PPM1H: variants seen among roughly 807,000 people sequenced by gnomAD.
PPM1H encodes the protein protein phosphatase, Mg2+/Mn2+ dependent 1H, also known as protein phosphatase 1H.
In PPM1H, 27 loss-of-function variants were observed where a neutral mutation model predicts 54.9. The ratio of observed to expected loss-of-function variants is 0.49; its 90% CI spans 0.36 to 0.68. The LOEUF (loss-of-function observed/expected upper bound fraction) is 0.68, where lower values mean the gene tolerates loss of function less well. PPM1H is among the 30% of genes least tolerant of loss of function. The pLI is 0.00. For missense variants in PPM1H, 596 were observed against 667.8 expected (o/e 0.89, Z 1.19); for synonymous variants, 305 against 270.8 (o/e 1.13, Z -1.24).
chr12:62,785,218 C>T (rs2076663722), intron 4 of PPM1H, among the ~76,000 whole-genome samples: 1 of 152,090 alleles, frequency 6.6e-6, no homozygotes, highest in South Asian at 2.1e-4. Flanking sequence ...GCTGTGTTGC[C>T]CAGGCTGGAG....
chr12:62,754,663 A>C (rs2076460309), intron 4 of PPM1H, among the ~76,000 whole-genome samples: 1 of 152,180 alleles, frequency 6.6e-6, no homozygotes, highest in Non-Finnish European at 1.5e-5. Context: ...TCCTTAAGAG[A>C]GTAAGTCACC....
At chr12:62,792,518 A>G (rs545007009) in intron 3 of PPM1H, among the ~76,000 whole-genome samples, 65 of 152,220 alleles carry the variant, frequency 4.3e-4, no homozygotes, top group Non-Finnish European at 7.5e-4. Flanking sequence ...GTGTGGGAAC[A>G]TAAGTGTGCA....
chr12:62,900,210 T>C (rs1257801009), intron 1 of PPM1H, among the ~76,000 whole-genome samples: 1 of 152,218 alleles, frequency 6.6e-6, no homozygotes, highest in African/African-American at 2.4e-5. Context: ...CTCGTTTGGA[T>C]AAGAAGGAAA....
At chr12:62,831,987 A>G (rs1030225548) in intron 2 of PPM1H, 127 bp downstream of exon 2, 3 of 1,154,620 alleles carry the variant, frequency 2.6e-6, no homozygotes, top group Non-Finnish European at 3.7e-6. Context: ...CCGCCACCCC[A>G]CTAACTCTGG....
intron 1 of PPM1H, among the ~76,000 whole-genome samples, chr12:62,896,630 G>C (rs1347344550): frequency 6.6e-6 from 1 of 152,164 alleles, no homozygotes; most frequent in African/African-American, 2.4e-5. Flanking sequence ...GGAGAAATAG[G>C]AACGCTTTTA....
At position 62,646,678 on chromosome 12, in the gene PPM1H, CG is replaced by C. The variant is rs1476839353; in HGVS notation, c.*1810del. On this transcript the variant is annotated 3_prime_UTR_variant, in exon 10 of 10. Transcript: ENST00000228705. ...AGATGAAGACAACTCCTGACAAGGC[CG>C]AAGTCCCATTCTTCCCAGGCCAACA... The C allele has an allele frequency of 6.6e-6, 1 of 152,248 alleles. No homozygotes were observed. The highest frequency in any genetic ancestry group is 1.5e-5 in the Non-Finnish European group (1 of 68,072). 9.4% of individuals were successfully genotyped at this position (152,248 alleles called of 1,614,324 possible).
At chr12:62,809,125 C>T (rs567746313) in intron 2 of PPM1H, among the ~76,000 whole-genome samples, 1 of 152,326 alleles carries the variant, frequency 6.6e-6, no homozygotes, top group South Asian at 2.1e-4. Context: ...GATCCTGGCT[C>T]ACCGCAGCCT....
At chr12:62,739,567 C>T (rs78951097) in intron 4 of PPM1H, among the ~76,000 whole-genome samples, 1 of 152,160 alleles carries the variant, frequency 6.6e-6, no homozygotes, top group East Asian at 1.9e-4. Context: ...TCTTTTTCTG[C>T]ACGGCCCCTG....
chr12:62,745,555 T>C (rs1156723524), intron 4 of PPM1H, among the ~76,000 whole-genome samples: 1 of 152,182 alleles, frequency 6.6e-6, no homozygotes, highest in African/African-American at 2.4e-5. Flanking sequence ...CACCTCTCCA[T>C]GAAGTTCTTC....
At chr12:62,828,984 C>G (rs1868321801) in intron 2 of PPM1H, among the ~76,000 whole-genome samples, 1 of 151,692 alleles carries the variant, frequency 6.6e-6, no homozygotes, top group African/African-American at 2.4e-5. Context: ...GAAATAGGAA[C>G]CCCTCTCCAT....
At chr12:62,856,902 AGACAC>A (rs1181086316) in intron 1 of PPM1H, among the ~76,000 whole-genome samples, 13 of 152,166 alleles carry the variant, frequency 8.5e-5, no homozygotes, top group Non-Finnish European at 1.5e-4. Flanking sequence ...ACAGGGTACC[AGACAC>A]TTGGCATTTT....
intron 9 of PPM1H, among the ~76,000 whole-genome samples, chr12:62,648,897 GT>G (rs542364336): frequency 4.6e-4 from 70 of 152,290 alleles, no homozygotes; most frequent in African/African-American, 1.5e-3. Flanking sequence ...CTCTTTTGAT[GT>G]TTTTGATTGA....
intron 9 of PPM1H, among the ~76,000 whole-genome samples, chr12:62,661,300 G>T (rs2075881905): frequency 6.6e-6 from 1 of 152,194 alleles, no homozygotes; most frequent in African/African-American, 2.4e-5. Flanking sequence ...TATCTAGCAG[G>T]CCTTGGCTCA....
At chr12:62,864,243 A>C (rs1869699449) in intron 1 of PPM1H, among the ~76,000 whole-genome samples, 1 of 152,246 alleles carries the variant, frequency 6.6e-6, no homozygotes, top group African/African-American at 2.4e-5. Context: ...GTAAAGTAAG[A>C]AGGTGGGCGC....
intron 2 of PPM1H, among the ~76,000 whole-genome samples, chr12:62,824,205 G>A (rs376150869): frequency 6.6e-6 from 1 of 152,172 alleles, no homozygotes; most frequent in Middle Eastern, 3.4e-3. Flanking sequence ...GATGTGAAGG[G>A]CCTCTTCAAG....
intron 1 of PPM1H, among the ~76,000 whole-genome samples, chr12:62,899,324 C>T (rs747872879): frequency 2.6e-5 from 4 of 152,000 alleles, no homozygotes; most frequent in Non-Finnish European, 4.4e-5. Context: ...TAATACCAGA[C>T]ACTTGGGAGG....
At chr12:62,922,741 T>A (rs1471835346) in intron 1 of PPM1H, among the ~76,000 whole-genome samples, 1 of 152,214 alleles carries the variant, frequency 6.6e-6, no homozygotes, top group Non-Finnish European at 1.5e-5. Context: ...GCTGAGCGGG[T>A]ACTCTGCTTT....
chr12:62,906,623 G>A (rs1455865329), intron 1 of PPM1H, among the ~76,000 whole-genome samples: 1 of 152,188 alleles, frequency 6.6e-6, no homozygotes, highest in Non-Finnish European at 1.5e-5. Flanking sequence ...GTCCAGAGGA[G>A]TAAACTGTAT....
intron 1 of PPM1H, among the ~76,000 whole-genome samples, chr12:62,833,334 A>T (rs1425664259): frequency 6.6e-6 from 1 of 152,232 alleles, no homozygotes; most frequent in East Asian, 1.9e-4. Context: ...ACAGTTCAAA[A>T]TCATTATTTT....
Sources: gnomAD v4.1 joint callset for allele counts (sites outside exome capture counted in the v4.1 genomes callset) on GRCh38, gnomAD v4.1.1 for gene constraint, MANE v1.5 for transcripts, NCBI Gene and HGNC (gene_info 2026-07-23, HGNC 2026-07-21) for gene names.